The following ARSK variants were observed in gnomAD, a reference collection of about 807,000 sequenced individuals.
ARSK encodes arylsulfatase family member K.
A neutral mutation model predicts 53.2 loss-of-function variants in ARSK; 37 were observed. That is an observed-to-expected ratio of 0.70 (90% CI 0.54 to 0.92). The LOEUF (loss-of-function observed/expected upper bound fraction) is 0.92. Ranked by LOEUF, ARSK falls within the 40% of genes least tolerant of loss-of-function variation. The pLI is 0.00. For synonymous variants in ARSK, 208 were observed against 223.2 expected (o/e 0.93, Z 0.61); for missense variants, 613 against 643.0 (o/e 0.95, Z 0.51).
intron 3 of ARSK, among the ~76,000 whole-genome samples, chr5:95,576,082 G>T (rs976780958): frequency 6.6e-6 from 1 of 152,132 alleles, no homozygotes; most frequent in East Asian, 1.9e-4. Flanking sequence ...TGTGGTGGGG[G>T]GTGGGTAATC....
intron 1 of ARSK, among the ~76,000 whole-genome samples, chr5:95,561,188 A>G (rs1361673942): frequency 6.6e-6 from 1 of 152,230 alleles, no homozygotes; most frequent in Non-Finnish European, 1.5e-5. Flanking sequence ...AACATCATTA[A>G]TCATTCGGGA....
chr5:95,576,451 C>A (rs550064894), intron 3 of ARSK, among the ~76,000 whole-genome samples: 1 of 151,754 alleles, frequency 6.6e-6, no homozygotes. Context: ...CCCGCCTCGG[C>A]CTCCCAAATT....
chr5:95,565,949 T>C, intron 1 of ARSK, 49 bp from the exon 2 acceptor site: 1 of 1,500,930 alleles, frequency 6.7e-7, no homozygotes. Context: ...GAAAATAATT[T>C]TCTTCTTTGG....
intron 2 of ARSK, among the ~76,000 whole-genome samples, chr5:95,567,301 C>A (rs1415458033): frequency 6.6e-6 from 1 of 152,180 alleles, no homozygotes; most frequent in Non-Finnish European, 1.5e-5. Context: ...AGGTAATCCC[C>A]CATCCCACCT....
At chr5:95,590,957 A>G (rs1274618786) in intron 5 of ARSK, among the ~76,000 whole-genome samples, 3 of 152,228 alleles carry the variant, frequency 2.0e-5, no homozygotes, top group Non-Finnish European at 4.4e-5. Context: ...AGTAGCAGAG[A>G]AGAAGAGTTC....
chr5:95,587,792 G>A (rs1371032270), intron 5 of ARSK, among the ~76,000 whole-genome samples: 1 of 151,884 alleles, frequency 6.6e-6, no homozygotes, highest in East Asian at 1.9e-4. Flanking sequence ...TGTGATCCCA[G>A]CTACTTGGGA....
intron 1 of ARSK, among the ~76,000 whole-genome samples, chr5:95,562,317 A>G (rs1184592635): frequency 6.6e-6 from 1 of 152,036 alleles, no homozygotes; most frequent in Non-Finnish European, 1.5e-5. Context: ...TCCTACTCCT[A>G]CCTCTACTCC....
chr5:95,572,914 A>T (rs1748860101), intron 3 of ARSK, among the ~76,000 whole-genome samples: 1 of 152,208 alleles, frequency 6.6e-6, no homozygotes, highest in East Asian at 1.9e-4. Flanking sequence ...CTTAGCTGCC[A>T]AGAAGACATT....
intron 6 of ARSK, among the ~76,000 whole-genome samples, chr5:95,597,893 CA>C (rs919210007): frequency 4.7e-4 from 44 of 93,206 alleles, no homozygotes; most frequent in African/African-American, 6.1e-4. Context: ...TACTCTGCCT[CA>C]AAAAAAAAAA....
chr5:95,595,000 CT>C (rs1477378535), intron 6 of ARSK, among the ~76,000 whole-genome samples: 1 of 152,060 alleles, frequency 6.6e-6, no homozygotes, highest in Admixed American at 6.5e-5. Context: ...AGGAAATAAC[CT>C]GTAGATATGC....
chr5:95,586,477 T>C, intron 4 of ARSK, 85 bp from the exon 5 acceptor site: 1 of 1,051,964 alleles, frequency 9.5e-7, no homozygotes, highest in Non-Finnish European at 1.4e-6. Context: ...TAATTAAACA[T>C]TGTTGATTTC....
At chr5:95,600,753 T>C (rs1248874170) in intron 6 of ARSK, 94 bp from the exon 7 acceptor site, 1 of 1,224,044 alleles carries the variant, frequency 8.2e-7, no homozygotes, top group Non-Finnish European at 1.2e-6. Context: ...TGGCATTTAA[T>C]GGTATGAAAA....
At position 95,587,905 on chromosome 5, in the gene ARSK, C is replaced by CA. The variant is rs753471404; in HGVS notation, c.871+1190dup. Among the ~76,000 whole-genome samples, 767 of 82,132 alleles carry CA rather than the reference C, an allele frequency of 9.3e-3. 4 individuals are homozygous for CA. Among genetic ancestry groups the CA allele is most frequent in the South Asian group, 0.019 (46 of 2,408 alleles). The allele number at this position is 82,132 out of a possible 152,430, so 53.9% of individuals were successfully genotyped here. On this transcript the variant is annotated intron_variant, in intron 5 of 7. Coordinates refer to ENST00000380009, the MANE Select transcript of ARSK (RefSeq NM_198150.3). ...TGGGTGACAGAGCAAGACTACGTCT[C>CA]AAAAAAAAAAAAAAAAAAGTATTTA...
chr5:95,587,437 A>G (rs1749137533), intron 5 of ARSK, among the ~76,000 whole-genome samples: 1 of 152,252 alleles, frequency 6.6e-6, no homozygotes. Flanking sequence ...GGAATGAAGC[A>G]TAATTGTACT....
chr5:95,555,395 C>T lies in ARSK; in HGVS notation c.117C>T (p.Ser39=). 2 of 1,605,068 alleles carry T rather than the reference C, an allele frequency of 1.2e-6. No homozygotes were observed. Among genetic ancestry groups the T allele is most frequent in the Non-Finnish European group, 1.7e-6 (2 of 1,175,336 alleles). The change falls in exon 1 of 8, where the codon AGC becomes AGT. Residue 39 remains serine, a synonymous_variant. Coordinates refer to ENST00000380009, the MANE Select transcript of ARSK (RefSeq NM_198150.3). This position sits in a 1 kb window ranked among gnomAD's most constrained non-coding sequence, Gnocchi z 4.0. ...AKAPNVVLVV[S]DSFDGRLTFH... Reference sequence around the variant, plus strand: ...CGCCCAATGTGGTGCTGGTCGTGAGCGACTCCTTCGTAAGTACCGCGAGGC... The same window carrying T: ...CGCCCAATGTGGTGCTGGTCGTGAGTGACTCCTTCGTAAGTACCGCGAGGC...
intron 1 of ARSK, 47 bp from the exon 2 acceptor site, chr5:95,565,951 C>T: frequency 6.7e-7 from 1 of 1,503,758 alleles, no homozygotes; most frequent in Non-Finnish European, 8.9e-7. Context: ...AAATAATTTT[C>T]TTCTTTGGTA....
chr5:95,556,343 A>C, intron 1 of ARSK: 1 of 665,728 alleles, frequency 1.5e-6, no homozygotes. Flanking sequence ...TTTATTACAG[A>C]GTGCTCTTGT....
chr5:95,603,186 A>G (rs1312089324), intron 7 of ARSK, 51 bp from the exon 8 acceptor site: 1 of 1,435,408 alleles, frequency 7.0e-7, no homozygotes, highest in Middle Eastern at 2.5e-4. Flanking sequence ...CATTCTAAAA[A>G]AATTTTTAGC....
At chr5:95,581,031 C>A in intron 3 of ARSK, 2 of 715,398 alleles carry the variant, frequency 2.8e-6, no homozygotes, top group Admixed American at 5.6e-5. Context: ...ACTTAAGTAC[C>A]AGCAATTATG....
Sources: gnomAD v4.1 joint callset for allele counts (sites outside exome capture counted in the v4.1 genomes callset) on GRCh38, gnomAD v4.1.1 for gene constraint, Gnocchi (gnomAD v3.1) non-coding constraint, MANE v1.5 for transcripts, NCBI Gene and HGNC (gene_info 2026-07-23, HGNC 2026-07-21) for gene names.